The following DNMT3A variants were observed in gnomAD, a reference collection of about 807,000 sequenced individuals.
DNMT3A encodes the protein DNA methyltransferase 3 alpha.
Under a neutral mutation model 117.6 loss-of-function variants are expected in DNMT3A, and 267 were observed. That is an observed-to-expected ratio of 2.27 (90% CI 2.05 to 2.51). DNMT3A has a LOEUF of 2.51. Ranked by LOEUF, DNMT3A falls within the 30% of genes most tolerant of loss-of-function variation. The pLI, the probability that DNMT3A is intolerant of heterozygous loss-of-function variation, is 0.00. For missense variants in DNMT3A, 1,029 were observed against 1,260.2 expected (o/e 0.82, Z 2.78); for synonymous variants, 432 against 474.8 (o/e 0.91, Z 1.17).
chr2:25,258,226 C>G (rs1182302460), intron 6 of DNMT3A, among the ~76,000 whole-genome samples: 1 of 152,220 alleles, frequency 6.6e-6, no homozygotes, highest in East Asian at 1.9e-4. Flanking sequence ...AAAGGGTCAC[C>G]ATGGCAACTG....
chr2:25,325,345 A>G (rs1385438639), intron 1 of DNMT3A, among the ~76,000 whole-genome samples: 1 of 152,194 alleles, frequency 6.6e-6, no homozygotes, highest in Non-Finnish European at 1.5e-5. Context: ...GGTGGCACAG[A>G]GTCCATGTGA....
chr2:25,245,413 G>A, intron 12 of DNMT3A, 81 bp from the exon 13 acceptor site: 6 of 1,348,404 alleles, frequency 4.4e-6, no homozygotes, highest in South Asian at 2.5e-5. Flanking sequence ...CACCAGACCA[G>A]CCACAAAAAA....
Position 25,246,062 on chromosome 2 carries a change from G to T in DNMT3A, c.1432C>A (p.Arg478=), listed in dbSNP as rs764944380. ...TTCTGCCGCACCTCGTACACCAGCCGCTCTGCAAGGGGAGGAGAGCTGGCG... is the reference window on the plus strand; with the variant it reads ...TTCTGCCGCACCTCGTACACCAGCCTCTCTGCAAGGGGAGGAGAGCTGGCG... ...KEIIDERTRE[R]LVYEVRQKCR... is the part of the protein sequence containing the mutation. The change falls in exon 12 of 23, where the codon CGG becomes AGG. Residue 478 remains arginine, a splice_region_variant and synonymous_variant. Coordinates refer to ENST00000321117, the MANE Select transcript of DNMT3A (RefSeq NM_022552.5). 56 of 1,614,042 alleles carry T rather than the reference G, an allele frequency of 3.5e-5. No homozygotes were observed. The highest frequency in any genetic ancestry group is 4.7e-5 in the Non-Finnish European group (56 of 1,180,024).
intron 1 of DNMT3A, among the ~76,000 whole-genome samples, chr2:25,329,366 A>G (rs1273416063): frequency 6.6e-6 from 1 of 152,172 alleles, no homozygotes; most frequent in African/African-American, 2.4e-5. Context: ...AATCTGAGTC[A>G]AGTGTTTAAC....
rs1281523168 is a variant in DNMT3A at position 25,327,533 on chromosome 2, C to T, written c.-177-13372G>A. On this transcript the variant is annotated intron_variant, in intron 1 of 22. Coordinates refer to ENST00000321117, the MANE Select transcript of DNMT3A (RefSeq NM_022552.5). This position sits in a 1 kb window ranked among gnomAD's most constrained non-coding sequence, Gnocchi z 4.1. ...CATGACTCCATCTGGCTCCTTGCTT[C>T]TGGGTCTCCAGCCTCAGATTCTGCA... Among the ~76,000 whole-genome samples, 1 of 152,176 alleles carries T rather than the reference C, an allele frequency of 6.6e-6. No homozygotes were observed. Among genetic ancestry groups the T allele is most frequent in the African/African-American group, 2.4e-5 (1 of 41,422 alleles).
chr2:25,257,548 G>A lies in DNMT3A; in HGVS notation c.640-9296C>T, dbSNP rs1439262795. Reference sequence around the variant, plus strand: ...TAGCCGGCATGACCAGGAAACACCCGCTTCCTGACAAGACTAGGCTGTAAG... The same window carrying A: ...TAGCCGGCATGACCAGGAAACACCCACTTCCTGACAAGACTAGGCTGTAAG... On this transcript the variant is annotated intron_variant, in intron 6 of 22. Coordinates refer to ENST00000321117, the MANE Select transcript of DNMT3A (RefSeq NM_022552.5). The surrounding 1 kb of genome is among the most constrained non-coding windows in gnomAD (Gnocchi z 4.8). 6.6e-6 allele frequency among the ~76,000 whole-genome samples: 1 copy of A among 152,162 alleles called. No individual in the cohort carries two copies. Among genetic ancestry groups the A allele is most frequent in the Admixed American group, 6.5e-5 (1 of 15,280 alleles).
chr2:25,243,330 G>A lies in DNMT3A; in HGVS notation c.1936+568C>T, dbSNP rs1674302774. Among the ~76,000 whole-genome samples the A allele has an allele frequency of 2.6e-5, 4 of 151,266 alleles. No homozygotes were observed. In the South Asian group the frequency reaches 8.4e-4, roughly 32 times the overall value. ...AAAAAAAAAAATGTAGCTTTATATC[G>A]CTTGACATGAAAAAGCAATCATAAT... On this transcript the variant is annotated intron_variant, in intron 16 of 22. Transcript: ENST00000321117.
intron 6 of DNMT3A, among the ~76,000 whole-genome samples, chr2:25,268,255 G>A (rs1048367646): frequency 2.0e-5 from 3 of 152,200 alleles, no homozygotes; most frequent in Non-Finnish European, 4.4e-5. Context: ...AAGCAGGAAA[G>A]AGACCAGATC....
At chr2:25,338,431 TG>T (rs2035289640) in intron 1 of DNMT3A, among the ~76,000 whole-genome samples, 1 of 152,202 alleles carries the variant, frequency 6.6e-6, no homozygotes, top group Non-Finnish European at 1.5e-5. Context: ...TGGCTCTTGC[TG>T]GGAAAGAACT....
At position 25,252,874 on chromosome 2, in the gene DNMT3A, C is replaced by T. The variant is rs767531586; in HGVS notation, c.640-4622G>A. Among the ~76,000 whole-genome samples, 41 of 152,060 alleles carry T rather than the reference C, an allele frequency of 2.7e-4. No homozygotes were observed. Among genetic ancestry groups the T allele is most frequent in the Middle Eastern group, 3.5e-3 (1 of 288 alleles). On this transcript the variant is annotated intron_variant, in intron 6 of 22. Transcript: ENST00000321117. This position sits in a 1 kb window ranked among gnomAD's most constrained non-coding sequence, Gnocchi z 5.5. ...AGCAGGCGCGCGCAGGCATTGGGAG[C>T]GCTCCAGATCGGGGATTGTTTGGGG...
chr2:25,258,133 A>T (rs1292852328), intron 6 of DNMT3A, among the ~76,000 whole-genome samples: 1 of 152,140 alleles, frequency 6.6e-6, no homozygotes, highest in East Asian at 1.9e-4. Flanking sequence ...TGTGGAAGGT[A>T]GGGGGCTAGG....
rs1028915711 is a variant in DNMT3A at position 25,228,427 on chromosome 2, G to A, written c.*5852C>T. 6.6e-6 allele frequency: 1 copy of A among 151,736 alleles called. No individual in the cohort carries two copies. The highest frequency in any genetic ancestry group is 1.5e-5 in the Non-Finnish European group (1 of 67,968). 9.4% of individuals were successfully genotyped at this position (151,736 alleles called of 1,614,324 possible). A position where few individuals can be genotyped will look rare whatever the true frequency, so the allele number is the denominator to read the frequency against. On this transcript the variant is annotated 3_prime_UTR_variant, in exon 23 of 23. Coordinates refer to ENST00000321117, the MANE Select transcript of DNMT3A (RefSeq NM_022552.5). ...CTGCCACCGGGGTCAAAGCGAAATC[G>A]TCTGTAACAGTAAAAGTTATTACCA...
intron 1 of DNMT3A, among the ~76,000 whole-genome samples, chr2:25,332,993 G>T (rs1245309715): frequency 6.6e-6 from 1 of 152,254 alleles, no homozygotes; most frequent in South Asian, 2.1e-4. Context: ...GGGAAAGAGG[G>T]CCCAGGCCTT....
At position 25,233,832 on chromosome 2, in the gene DNMT3A, T is replaced by C; in HGVS notation, c.*447A>G. On this transcript the variant is annotated 3_prime_UTR_variant, in exon 23 of 23. Transcript: ENST00000321117. The stretch of plus-strand genomic sequence containing the variant: ...AAACAACCCAATATATAGATTTCTA[T>C]AGAATTTCCTTTTTTCCTCTCTCCC... 4.4e-6 allele frequency: 1 copy of C among 226,166 alleles called. No individual in the cohort carries two copies. Among genetic ancestry groups the C allele is most frequent in the Non-Finnish European group, 8.6e-6 (1 of 115,768 alleles). The allele number at this position is 226,166 out of a possible 1,614,324, so 14.0% of individuals were successfully genotyped here.
At position 25,228,042 on chromosome 2, in the gene DNMT3A, A is replaced by C. The variant is rs1052753776; in HGVS notation, c.*6237T>G. 1.3e-5 allele frequency: 2 copies of C among 151,562 alleles called. No individual in the cohort carries two copies. The highest frequency in any genetic ancestry group is 4.9e-5 in the African/African-American group (2 of 41,198). 9.4% of individuals were successfully genotyped at this position (151,562 alleles called of 1,614,324 possible). ...GCATTGACCTCTTTAATTATTTCATAAACAGCTATGTCACGAGCATCACTT... is the reference window on the plus strand; with the variant it reads ...GCATTGACCTCTTTAATTATTTCATCAACAGCTATGTCACGAGCATCACTT... On this transcript the variant is annotated 3_prime_UTR_variant, in exon 23 of 23. Transcript: ENST00000321117.
At chr2:25,287,729 A>AG (rs1553424973) in intron 3 of DNMT3A, among the ~76,000 whole-genome samples, 8 of 146,124 alleles carry the variant, frequency 5.5e-5, no homozygotes, top group Non-Finnish European at 1.1e-4. Context: ...GACAGAGGAC[A>AG]CCCCCGCCCC....
intron 1 of DNMT3A, among the ~76,000 whole-genome samples, chr2:25,329,127 C>G (rs1558746009): frequency 6.6e-6 from 1 of 152,212 alleles, no homozygotes; most frequent in Non-Finnish European, 1.5e-5. Context: ...GGCCGCCTTT[C>G]TCCTCATCGT....
At chr2:25,280,405 C>A (rs2031800345) in intron 4 of DNMT3A, among the ~76,000 whole-genome samples, 1 of 149,494 alleles carries the variant, frequency 6.7e-6, no homozygotes, top group African/African-American at 2.5e-5. Context: ...CCTTTGCTCT[C>A]TGCACTCTAG....
In DNMT3A at chr2:25,300,388, G is replaced by GC. The variant is rs146665852; in HGVS notation, c.73-146dup. 2.4e-3 allele frequency: 2,098 copies of GC among 867,846 alleles called. 40 individuals carry two copies. In the African/African-American group the frequency reaches 0.033, roughly 14 times the overall value. The allele number at this position is 867,846 out of a possible 1,614,324, so 53.8% of individuals were successfully genotyped here. Reference sequence around the variant, plus strand: ...CCACACTTCCAGGGCTGTGTAATATGCCCCCACCAACTCCCCTCCTGCCTG... The same window carrying GC: ...CCACACTTCCAGGGCTGTGTAATATGCCCCCCACCAACTCCCCTCCTGCCTG... On this transcript the variant is annotated intron_variant, in intron 2 of 22. Transcript: ENST00000321117.
Sources: gnomAD v4.1 joint callset for allele counts (sites outside exome capture counted in the v4.1 genomes callset) on GRCh38, gnomAD v4.1.1 for gene constraint, Gnocchi (gnomAD v3.1) non-coding constraint, MANE v1.5 for transcripts, NCBI Gene and HGNC (gene_info 2026-07-23, HGNC 2026-07-21) for gene names.